SGSM2: variants seen among roughly 807,000 people sequenced by gnomAD.
SGSM2 encodes RUN and TBC1 domain containing 1.
A neutral mutation model predicts 126.6 loss-of-function variants in SGSM2; 89 were observed. The ratio of observed to expected loss-of-function variants is 0.70; its 90% CI spans 0.59 to 0.84. The LOEUF is 0.84. Among genes scored for constraint, SGSM2 ranks in the 40% least tolerant of loss-of-function variants. The pLI is 0.00. For missense variants in SGSM2, 1,404 were observed against 1,416.6 expected, an observed-to-expected ratio of 0.99 and a Z score of 0.14; for synonymous variants, 614 against 574.3, an observed-to-expected ratio of 1.07 and a Z score of -0.99.
chr17:2,365,276 T>C lies in SGSM2; in HGVS notation c.1223T>C (p.Met408Thr). ...ATTCGCTCCGTGGATATGGAGGAGA[T>C]GGGCACGGGGCGGGCCACCGACTAT... ...SSIRSVDMEE[M>T]GTGRATDYVF... The change falls in exon 11 of 24, where the codon ATG (methionine) becomes ACG (threonine). Residue 408 changes from methionine to threonine, a missense_variant. By Grantham distance (81) the Met-to-Thr change is moderately conservative (BLOSUM62 -1). Transcript: ENST00000268989. 1 of 1,605,124 alleles carries C rather than the reference T, an allele frequency of 6.2e-7. No individual in the cohort carries two copies. Among genetic ancestry groups the C allele is most frequent in the Non-Finnish European group, 8.5e-7 (1 of 1,175,834 alleles).
chr17:2,349,173 C>T (rs553655316), intron 2 of SGSM2, among the ~76,000 whole-genome samples: 3 of 151,894 alleles, frequency 2.0e-5, no homozygotes, highest in East Asian at 3.9e-4. Flanking sequence ...GTCAGGAGTT[C>T]GAGACCAGCC....
chr17:2,343,710 T>C (rs142680743), intron 2 of SGSM2, 90 bp downstream of exon 2: 2 of 1,118,494 alleles, frequency 1.8e-6, no homozygotes, highest in Non-Finnish European at 2.7e-6. Context: ...TCAGGTGCAG[T>C]AGCTCTCAAA....
At chr17:2,341,923 A>C (rs1399819875) in intron 1 of SGSM2, among the ~76,000 whole-genome samples, 1 of 152,226 alleles carries the variant, frequency 6.6e-6, no homozygotes, top group African/African-American at 2.4e-5. Flanking sequence ...AACAGCCCCA[A>C]ACTGGAAACC....
At position 2,362,949 on chromosome 17, in the gene SGSM2, G is replaced by A. The variant is rs990587723; in HGVS notation, c.527-40G>A. The A allele has an allele frequency of 1.2e-6, 2 of 1,613,990 alleles. No homozygotes were observed. The highest frequency in any genetic ancestry group is 1.7e-6 in the Non-Finnish European group (2 of 1,180,010). On this transcript the variant is annotated intron_variant, in intron 5 of 23. Transcript: ENST00000268989. This position sits in a 1 kb window ranked among gnomAD's most constrained non-coding sequence, Gnocchi z 4.9. ...GCACAGTGGGTACGGGGCAGGTGCT[G>A]AGGGAGCATCGTCTGGGCTGGCTGT...
At chr17:2,364,006 C>T in intron 7 of SGSM2, 53 bp from the exon 8 acceptor site, 1 of 1,612,402 alleles carries the variant, frequency 6.2e-7, no homozygotes, top group Non-Finnish European at 8.5e-7. Flanking sequence ...ATAGGCCATC[C>T]CTGAGAGCCT....
intron 1 of SGSM2, among the ~76,000 whole-genome samples, chr17:2,340,380 G>T (rs1486394572): frequency 6.6e-6 from 1 of 151,582 alleles, no homozygotes; most frequent in African/African-American, 2.4e-5. Context: ...GGGATTACAG[G>T]CATGAGCCAC....
chr17:2,358,879 T>TTTTG (rs1567817464), intron 2 of SGSM2, among the ~76,000 whole-genome samples: 1 of 48,448 alleles, frequency 2.1e-5, no homozygotes, highest in African/African-American at 6.5e-5. Flanking sequence ...TGTTGTTTTT[T>TTTTG]TTTTTTTTTT....
At position 2,372,892 on chromosome 17, in the gene SGSM2, C is replaced by T. The variant is rs2065940931; in HGVS notation, c.1789-61C>T. The stretch of plus-strand genomic sequence containing the variant: ...AGCCCATTCTCCGTGGGATGGGGCT[C>T]ACCCAGCTGGGCCACGGTGACTGTG... On this transcript the variant is annotated intron_variant, in intron 15 of 23. Coordinates refer to ENST00000268989, the MANE Select transcript of SGSM2 (RefSeq NM_014853.3). This position sits in a 1 kb window ranked among gnomAD's most constrained non-coding sequence, Gnocchi z 6.0. The T allele has an allele frequency of 6.5e-7, 1 of 1,536,450 alleles. No individual in the cohort carries two copies. The highest frequency in any genetic ancestry group is 8.8e-7 in the Non-Finnish European group (1 of 1,138,568).
rs1475263717 is a variant in SGSM2 at position 2,363,666 on chromosome 17, C to T, written c.807+67C>T. On this transcript the variant is annotated intron_variant, in intron 7 of 23. Transcript: ENST00000268989. The surrounding 1 kb of genome is among the most constrained non-coding windows in gnomAD (Gnocchi z 4.2). The stretch of plus-strand genomic sequence containing the variant: ...GAACGAGACGACTGGAAGCCTCTAG[C>T]CATGGCTATTCCTTTCCTGAGGAGC... 1 of 1,585,100 alleles carries T rather than the reference C, an allele frequency of 6.3e-7. No homozygotes were observed. The highest frequency in any genetic ancestry group is 8.6e-7 in the Non-Finnish European group (1 of 1,162,400).
chr17:2,364,731 C>A, intron 9 of SGSM2, 68 bp downstream of exon 9: 4 of 1,581,382 alleles, frequency 2.5e-6, no homozygotes, highest in Non-Finnish European at 3.5e-6. Context: ...GTGCACTGTG[C>A]GTGGGGCCTG....
chr17:2,341,946 G>C (rs897832332), intron 1 of SGSM2, among the ~76,000 whole-genome samples: 6 of 152,082 alleles, frequency 3.9e-5, no homozygotes, highest in Admixed American at 2.0e-4. Flanking sequence ...CCAAACGCCG[G>C]GTGTTTGTAC....
chr17:2,373,168 C>T, intron 16 of SGSM2, 87 bp downstream of exon 16: 2 of 1,571,424 alleles, frequency 1.3e-6, no homozygotes, highest in Admixed American at 3.6e-5. Context: ...GCCTCAGCCC[C>T]TTCCCAGCCG....
At chr17:2,338,025 G>T (rs1302565748) in intron 1 of SGSM2, among the ~76,000 whole-genome samples, 1 of 152,134 alleles carries the variant, frequency 6.6e-6, no homozygotes, top group Non-Finnish European at 1.5e-5. Context: ...AAGGCCGGGG[G>T]AGGGGTGGCG....
chr17:2,376,276 G>A lies in SGSM2; in HGVS notation c.2609+15G>A, dbSNP rs181120466. ...GTCATGTGCAGGTGCCTTGTGGGGC[G>A]GGGCTCAGGGTGGGAGGCGGGACCC... On this transcript the variant is annotated intron_variant, in intron 19 of 23. Transcript: ENST00000268989. 6.3e-5 allele frequency: 101 copies of A among 1,613,234 alleles called. No homozygotes were observed. In the Admixed American group the frequency reaches 1.1e-3, roughly 18 times the overall value.
intron 2 of SGSM2, among the ~76,000 whole-genome samples, chr17:2,352,369 C>T (rs1567809955): frequency 6.6e-6 from 1 of 152,204 alleles, no homozygotes; most frequent in African/African-American, 2.4e-5. Flanking sequence ...TGCACTTCCT[C>T]GCTTGGGTTC....
Position 2,367,099 on chromosome 17 carries a change from C to A in SGSM2, c.1289-172C>A. The A allele has an allele frequency of 1.4e-6, 1 of 736,158 alleles. No individual in the cohort carries two copies. Among genetic ancestry groups the A allele is most frequent in the Non-Finnish European group, 2.1e-6 (1 of 467,954 alleles). 45.6% of individuals were successfully genotyped at this position (736,158 alleles called of 1,614,324 possible). On this transcript the variant is annotated intron_variant, in intron 11 of 23. Transcript: ENST00000268989. This position sits in a 1 kb window ranked among gnomAD's most constrained non-coding sequence, Gnocchi z 4.0. ...CCCCAGCCCCTCGCCTCCTTCCACACTCTCCCAGGAAAATCATCCAAAGAG... is the reference window on the plus strand; with the variant it reads ...CCCCAGCCCCTCGCCTCCTTCCACAATCTCCCAGGAAAATCATCCAAAGAG...
intron 17 of SGSM2, 25 bp downstream of exon 17, chr17:2,373,538 T>C (rs762432391): frequency 1.3e-6 from 2 of 1,574,404 alleles, no homozygotes; most frequent in East Asian, 4.5e-5. Flanking sequence ...ACCTGGAGGG[T>C]TGGGGGTCTC....
At chr17:2,344,442 T>C (rs113584235) in intron 2 of SGSM2, among the ~76,000 whole-genome samples, 1,874 of 152,102 alleles carry the variant, frequency 0.012, 14 homozygotes, top group Non-Finnish European at 0.018. Context: ...GGAGGGAAAA[T>C]AATGAAAGAA....
At chr17:2,342,846 A>T (rs955991121) in intron 1 of SGSM2, among the ~76,000 whole-genome samples, 3 of 151,798 alleles carry the variant, frequency 2.0e-5, no homozygotes, top group Non-Finnish European at 4.4e-5. Flanking sequence ...GCGTGGTGGC[A>T]TGCACCTGTT....
Sources: gnomAD v4.1 joint callset for allele counts (sites outside exome capture counted in the v4.1 genomes callset) on GRCh38, gnomAD v4.1.1 for gene constraint, Gnocchi (gnomAD v3.1) non-coding constraint, MANE v1.5 for transcripts, NCBI Gene and HGNC (gene_info 2026-07-23, HGNC 2026-07-21) for gene names.